Variants in CDH3 observed in about 807,000 individuals in gnomAD.
The protein encoded by CDH3 is cadherin 3.
A neutral mutation model predicts 82.0 loss-of-function variants in CDH3; 54 were observed. The observed-to-expected ratio is 0.66, with a 90% CI of 0.53 to 0.83. The LOEUF is 0.83. Ranked by LOEUF, CDH3 falls within the 40% of genes least tolerant of loss-of-function variation. The probability of loss-of-function intolerance (pLI) is 0.00; values close to 1 mark genes in which losing one functional copy is unlikely to be tolerated. For missense variants in CDH3, 1,054 were observed against 1,084.6 expected, an observed-to-expected ratio of 0.97 and a Z score of 0.40; for synonymous variants, 446 against 437.9, an observed-to-expected ratio of 1.02 and a Z score of -0.23.
chr16:68,693,331 G>C (rs1190129158), intron 13 of CDH3, among the ~76,000 whole-genome samples: 1 of 152,064 alleles, frequency 6.6e-6, no homozygotes, highest in East Asian at 1.9e-4. Flanking sequence ...CATCTAGGAG[G>C]CTGTAGCCAT....
In CDH3 at chr16:68,719,715, G is replaced by A. The variant is rs144403242; in HGVS notation, c.100-2710G>A. Among the ~76,000 whole-genome samples, 15 of 152,060 alleles carry A rather than the reference G, an allele frequency of 9.9e-5. No homozygotes were observed. The East Asian group carries it at 2.9e-3, about 30-fold the overall frequency. On this transcript the variant is annotated intron_variant, in intron 1 of 2. Transcript: ENST00000569080. The stretch of plus-strand genomic sequence containing the variant: ...GGGGTTTCACCATATTGGCCAGGCT[G>A]ATCTCAAACTCCTGACCTCGTGATC...
intron 2 of CDH3, among the ~76,000 whole-genome samples, chr16:68,665,394 T>C (rs1246099520): frequency 6.6e-6 from 1 of 152,244 alleles, no homozygotes; most frequent in East Asian, 1.9e-4. Flanking sequence ...AGCGTTAGCC[T>C]CTGTCTCAAA....
intron 2 of CDH3, among the ~76,000 whole-genome samples, chr16:68,663,647 G>A (rs2152094296): frequency 6.6e-6 from 1 of 152,026 alleles, no homozygotes. Context: ...GATGTTGTAT[G>A]CACTAAGGTG....
At chr16:68,653,916 G>A (rs868720803) in intron 2 of CDH3, among the ~76,000 whole-genome samples, 1 of 151,274 alleles carries the variant, frequency 6.6e-6, no homozygotes, top group South Asian at 2.1e-4. Flanking sequence ...ACGAGGTTTC[G>A]CCATGTTAGC....
chr16:68,679,725 A>G (rs1961154762), intron 6 of CDH3, 74 bp from the exon 7 acceptor site: 3 of 956,962 alleles, frequency 3.1e-6, no homozygotes, highest in Admixed American at 2.2e-5. Context: ...AAAAGAAAAG[A>G]AAAAAAGAGT....
chr16:68,713,960 G>A (rs1567463628), intron 1 of CDH3, among the ~76,000 whole-genome samples: 1 of 150,918 alleles, frequency 6.6e-6, no homozygotes. Flanking sequence ...TGGAGACAGA[G>A]TTTCGCTCTG....
intron 11 of CDH3, chr16:68,686,492 A>AG (rs1961416822): frequency 8.3e-7 from 1 of 1,197,742 alleles, no homozygotes; most frequent in Non-Finnish European, 1.2e-6. Context: ...AAAAATCTCA[A>AG]GGAAAAGTAT....
At chr16:68,653,848 C>T (rs1357051914) in intron 2 of CDH3, among the ~76,000 whole-genome samples, 1 of 151,632 alleles carries the variant, frequency 6.6e-6, no homozygotes, top group Non-Finnish European at 1.5e-5. Flanking sequence ...CGCAACCACG[C>T]CCGGCTAATT....
At chr16:68,651,539 C>T (rs1013861158) in intron 2 of CDH3, 17 of 497,902 alleles carry the variant, frequency 3.4e-5, no homozygotes, top group Non-Finnish European at 8.0e-6. Flanking sequence ...TGATGTCCAC[C>T]CCGCTCTGCA....
chr16:68,693,463 C>G (rs2152106107), intron 13 of CDH3, among the ~76,000 whole-genome samples: 1 of 152,176 alleles, frequency 6.6e-6, no homozygotes, highest in South Asian at 2.1e-4. Context: ...GGGTAAGACC[C>G]ATGGATGATC....
chr16:68,703,933 C>T (rs945526129), downstream of CDH3, among the ~76,000 whole-genome samples: 6 of 151,374 alleles, frequency 4.0e-5, no homozygotes, highest in Admixed American at 2.0e-4. Flanking sequence ...GGCAACAGAG[C>T]GAGACTCCGT....
chr16:68,677,509 G>A (rs933540789), intron 3 of CDH3, among the ~76,000 whole-genome samples: 9 of 152,200 alleles, frequency 5.9e-5, no homozygotes, highest in East Asian at 3.9e-4. Context: ...AGGCCGAGGC[G>A]GGTGGCTTGC....
intron 1 of CDH3, among the ~76,000 whole-genome samples, chr16:68,715,229 C>A (rs1962079446): frequency 1.3e-5 from 2 of 151,882 alleles, no homozygotes; most frequent in African/African-American, 4.8e-5. Context: ...AGTTCGAGAC[C>A]AGCCGTGCCA....
intron 1 of CDH3, among the ~76,000 whole-genome samples, chr16:68,721,199 T>C (rs1259889320): frequency 6.6e-6 from 1 of 150,772 alleles, no homozygotes; most frequent in East Asian, 1.9e-4. Flanking sequence ...ATCTCAGTGT[T>C]CCTGGACCTT....
At chr16:68,728,026 C>T (rs756925968), downstream of CDH3, among the ~76,000 whole-genome samples, 17 of 152,186 alleles carry the variant, frequency 1.1e-4, no homozygotes, top group Non-Finnish European at 2.1e-4. Context: ...TAAATAGTAG[C>T]TATCACTTTT....
chr16:68,708,654 T>C lies in CDH3; in HGVS notation c.99+12731T>C, dbSNP rs1432386603. On this transcript the variant is annotated intron_variant, in intron 1 of 2. Transcript: ENST00000569080. ...TTCTTTCTTTTTCTTTTTTTTTTTC[T>C]TTTTTTTGAGACCGAGTCTCGCTCT... 2.0e-5 allele frequency among the ~76,000 whole-genome samples: 3 copies of C among 150,480 alleles called. No homozygotes were observed. The Admixed American group carries it at 2.0e-4, about 10-fold the overall frequency.
In CDH3 at chr16:68,684,855, C is replaced by T. The variant is rs139454731; in HGVS notation, c.1424+31C>T. On this transcript the variant is annotated intron_variant, in intron 10 of 15. Transcript: ENST00000264012. ...CAGGAGCTGGGCTCAGTAAGCAGCA[C>T]GTACTGGTACAGTTGGTGGGTGGGT... 240 of 1,613,524 alleles carry T rather than the reference C, an allele frequency of 1.5e-4. 1 individual carries two copies. The African/African-American group carries it at 2.3e-3, about 15-fold the overall frequency.
chr16:68,669,671 A>C (rs1960834275), intron 2 of CDH3, among the ~76,000 whole-genome samples: 2 of 152,020 alleles, frequency 1.3e-5, no homozygotes, highest in Admixed American at 6.6e-5. Flanking sequence ...TCTTCTGAGT[A>C]GTAGGGGAGT....
chr16:68,687,765 G>T (rs1162209094), intron 12 of CDH3, 29 bp downstream of exon 12: 2 of 1,552,610 alleles, frequency 1.3e-6, no homozygotes, highest in African/African-American at 1.4e-5. Flanking sequence ...GTAGCGGGTG[G>T]GGTGCCAGCC....
Sources: allele counts gnomAD v4.1 joint callset (sites outside exome capture counted in the v4.1 genomes callset), GRCh38; gene constraint gnomAD v4.1.1; transcripts MANE v1.5; gene names NCBI Gene and HGNC (gene_info 2026-07-23, HGNC 2026-07-21).